PABPC4L: variants seen among roughly 807,000 people sequenced by gnomAD.
The protein encoded by PABPC4L is polyadenylate-binding protein 4-like.
For missense variants in PABPC4L, 452 were observed against 451.4 expected (o/e 1.00, Z -0.01); for synonymous variants, 169 against 164.1 (o/e 1.03, Z -0.23).
chr4:134,128,759 A>G, the PABPC4L span, among the ~76,000 whole-genome samples: 2 of 152,144 alleles, frequency 1.3e-5, no homozygotes, highest in Non-Finnish European at 2.9e-5. Context: ...AAATAACACA[A>G]TGAAAAAAGA....
At chr4:134,016,092 C>T in the PABPC4L span, among the ~76,000 whole-genome samples, 1 of 152,096 alleles carries the variant, frequency 6.6e-6, no homozygotes, top group African/African-American at 2.4e-5. Context: ...TCACCCTGAA[C>T]ACACTTGGTT....
chr4:134,195,708 G>A (rs1447847706), downstream of PABPC4L, among the ~76,000 whole-genome samples: 1 of 151,374 alleles, frequency 6.6e-6, no homozygotes, highest in African/African-American at 2.4e-5. Context: ...TTTCATTCAG[G>A]GCAACTACAA....
At chr4:134,182,786 A>T in the PABPC4L span, among the ~76,000 whole-genome samples, 179 of 151,996 alleles carry the variant, frequency 1.2e-3, 7 homozygotes, top group East Asian at 0.031. Flanking sequence ...CCATTAAAAG[A>T]TGGGCAAAGG....
the PABPC4L span, among the ~76,000 whole-genome samples, chr4:134,138,343 T>C: frequency 1.3e-5 from 2 of 151,850 alleles, no homozygotes; most frequent in East Asian, 3.9e-4. Context: ...ATCCCTTTTC[T>C]TACAACTCAG....
chr4:134,071,282 C>T, the PABPC4L span, among the ~76,000 whole-genome samples: 1 of 152,008 alleles, frequency 6.6e-6, no homozygotes, highest in African/African-American at 2.4e-5. Flanking sequence ...TCCCTCTGTC[C>T]ACTCTCAGTG....
the PABPC4L span, among the ~76,000 whole-genome samples, chr4:134,076,789 A>T: frequency 6.6e-6 from 1 of 152,168 alleles, no homozygotes; most frequent in Admixed American, 6.5e-5. Context: ...ATAGATAGAT[A>T]GATAGACTTT....
At chr4:133,964,079 G>T in the PABPC4L span, among the ~76,000 whole-genome samples, 4 of 152,046 alleles carry the variant, frequency 2.6e-5, no homozygotes, top group Admixed American at 2.0e-4. Flanking sequence ...CCATTAGCAA[G>T]ATTAACCAAG....
At chr4:134,043,112 A>G in the PABPC4L span, among the ~76,000 whole-genome samples, 1 of 152,164 alleles carries the variant, frequency 6.6e-6, no homozygotes, top group African/African-American at 2.4e-5. Context: ...CCACCAAGGA[A>G]TAAAGTAACC....
the PABPC4L span, among the ~76,000 whole-genome samples, chr4:134,118,160 C>A: frequency 3.9e-5 from 6 of 151,904 alleles, no homozygotes; most frequent in Non-Finnish European, 7.4e-5. Flanking sequence ...AGTGTCCTAC[C>A]TTTGCCAGTA....
At chr4:134,175,889 T>A in the PABPC4L span, among the ~76,000 whole-genome samples, 1 of 152,034 alleles carries the variant, frequency 6.6e-6, no homozygotes, top group African/African-American at 2.4e-5. Flanking sequence ...AGAAAAAAAA[T>A]TGAATAGAAA....
chr4:134,159,277 AC>A, the PABPC4L span, among the ~76,000 whole-genome samples: 1 of 152,062 alleles, frequency 6.6e-6, no homozygotes, highest in African/African-American at 2.4e-5. Flanking sequence ...AATAGTGACC[AC>A]CCCCCTGTAG....
At chr4:134,012,194 T>A in the PABPC4L span, among the ~76,000 whole-genome samples, 1 of 152,146 alleles carries the variant, frequency 6.6e-6, no homozygotes, top group Non-Finnish European at 1.5e-5. Flanking sequence ...TTTTAAACTT[T>A]TATTTTGCAT....
the PABPC4L span, among the ~76,000 whole-genome samples, chr4:134,012,304 T>C: frequency 1.3e-5 from 2 of 152,138 alleles, no homozygotes; most frequent in Admixed American, 1.3e-4. Context: ...ACTGATGACA[T>C]TCCACCACAA....
chr4:134,162,651 T>G, the PABPC4L span, among the ~76,000 whole-genome samples: 2 of 152,238 alleles, frequency 1.3e-5, no homozygotes, highest in Admixed American at 6.5e-5. Context: ...ATCAAAATCC[T>G]ATCAAGTATC....
At chr4:134,003,013 C>G in the PABPC4L span, among the ~76,000 whole-genome samples, 1 of 151,912 alleles carries the variant, frequency 6.6e-6, no homozygotes, top group East Asian at 1.9e-4. Context: ...ATCACTATTG[C>G]ACCTGCTTCA....
the PABPC4L span, among the ~76,000 whole-genome samples, chr4:134,001,870 T>C: frequency 1.3e-5 from 2 of 151,970 alleles, no homozygotes; most frequent in Non-Finnish European, 2.9e-5. Context: ...TAAAAACAGA[T>C]CAAGAAGACA....
chr4:133,954,926 G>A, the PABPC4L span, among the ~76,000 whole-genome samples: 48 of 152,160 alleles, frequency 3.2e-4, no homozygotes, highest in South Asian at 7.7e-3. Flanking sequence ...GGTGGATAAG[G>A]CCAACAGTAT....
chr4:134,179,530 C>T, the PABPC4L span, among the ~76,000 whole-genome samples: 1 of 152,034 alleles, frequency 6.6e-6, no homozygotes, highest in East Asian at 1.9e-4. Context: ...CAAATTCACA[C>T]ATATCAATGG....
rs1319732003 is a variant in PABPC4L at position 134,197,914 on chromosome 4, T to C, written c.*1993A>G. On this transcript the variant is annotated 3_prime_UTR_variant, in exon 2 of 2. Transcript: ENST00000421491. ...TATTTATCAAAATTACTTTTTAAAA[T>C]TGATTCTTTTTTAACCATTAATTCT... The C allele has an allele frequency of 1.3e-5, 2 of 151,820 alleles. No individual in the cohort carries two copies. Among genetic ancestry groups the C allele is most frequent in the African/African-American group, 4.8e-5 (2 of 41,444 alleles). The allele number at this position is 151,820 out of a possible 1,614,324, so 9.4% of individuals were successfully genotyped here.
Sources: gnomAD v4.1 joint callset for allele counts (sites outside exome capture counted in the v4.1 genomes callset) on GRCh38, gnomAD v4.1.1 for gene constraint, MANE v1.5 for transcripts, NCBI Gene and HGNC (gene_info 2026-07-23, HGNC 2026-07-21) for gene names.